TPD52: variants seen among roughly 807,000 people sequenced by gnomAD.
TPD52 encodes prostate and colon associated protein.
In TPD52, 17 loss-of-function variants were observed where a neutral mutation model predicts 31.3. The ratio of observed to expected loss-of-function variants is 0.54; its 90% CI spans 0.37 to 0.82. TPD52 has a LOEUF of 0.82. Among genes scored for constraint, TPD52 ranks in the 40% least tolerant of loss-of-function variants. The pLI, the probability that TPD52 is intolerant of heterozygous loss-of-function variation, is 0.00. For missense variants in TPD52, 212 were observed against 240.1 expected (o/e 0.88, Z 0.77); for synonymous variants, 83 against 89.6 (o/e 0.93, Z 0.42).
chr8:80,118,340 C>G (rs769319326), intron 1 of TPD52, among the ~76,000 whole-genome samples: 3 of 152,144 alleles, frequency 2.0e-5, no homozygotes, highest in Non-Finnish European at 2.9e-5. Flanking sequence ...CTATAAAACT[C>G]TTAGAGGAAA....
At chr8:80,090,066 G>T (rs778809925) in intron 1 of TPD52, among the ~76,000 whole-genome samples, 1 of 152,156 alleles carries the variant, frequency 6.6e-6, no homozygotes, top group Non-Finnish European at 1.5e-5. Flanking sequence ...TGGAGGAAAG[G>T]AAAGGGAAGA....
intron 1 of TPD52, among the ~76,000 whole-genome samples, chr8:80,121,145 CCTT>C (rs1808233515): frequency 2.0e-5 from 3 of 151,904 alleles, no homozygotes; most frequent in South Asian, 4.2e-4. Flanking sequence ...GTTGGTTTTC[CCTT>C]CTTCTACCCA....
intron 1 of TPD52, among the ~76,000 whole-genome samples, chr8:80,089,393 G>C (rs753165715): frequency 1.3e-5 from 2 of 152,180 alleles, no homozygotes; most frequent in Admixed American, 6.5e-5. Context: ...AGAGACTTTA[G>C]GTGATAAGAG....
At chr8:80,144,691 AC>A (rs1304962052) in intron 1 of TPD52, among the ~76,000 whole-genome samples, 1 of 152,214 alleles carries the variant, frequency 6.6e-6, no homozygotes, top group African/African-American at 2.4e-5. Context: ...TATCAGAGTC[AC>A]TGAAATACAC....
intron 1 of TPD52, among the ~76,000 whole-genome samples, chr8:80,153,458 GC>G (rs1178036440): frequency 6.6e-6 from 1 of 152,064 alleles, no homozygotes; most frequent in African/African-American, 2.4e-5. Context: ...TCTCATCATT[GC>G]CCTCTCCCCT....
chr8:80,040,450 A>G (rs951592545), intron 7 of TPD52, among the ~76,000 whole-genome samples: 1 of 152,170 alleles, frequency 6.6e-6, no homozygotes, highest in Non-Finnish European at 1.5e-5. Context: ...TTGGCCTCAC[A>G]AAGTGCTGGA....
chr8:80,171,556 C>G lies in TPD52; in HGVS notation c.-113G>C, dbSNP rs1470483678. ...CCTCCTCGCCTCCGCCGGCGACTCC[C>G]GCGAAGTCCCCACCCCCAGAGGCGT... On this transcript the variant is annotated 5_prime_UTR_variant, in exon 1 of 8. Transcript: ENST00000518937. The G allele has an allele frequency of 1.5e-6, 2 of 1,334,450 alleles. No individual in the cohort carries two copies. The highest frequency in any genetic ancestry group is 1.9e-6 in the Non-Finnish European group (2 of 1,036,190). The allele number at this position is 1,334,450 out of a possible 1,614,324, so 82.7% of individuals were successfully genotyped here.
At chr8:80,094,594 C>T (rs1816589633) in intron 1 of TPD52, among the ~76,000 whole-genome samples, 1 of 149,718 alleles carries the variant, frequency 6.7e-6, no homozygotes. Flanking sequence ...AGATGTATTT[C>T]TTCAAATTCC....
chr8:80,142,977 A>G (rs1586385411), intron 1 of TPD52, among the ~76,000 whole-genome samples: 1 of 152,026 alleles, frequency 6.6e-6, no homozygotes, highest in African/African-American at 2.4e-5. Flanking sequence ...ACAGAGCAAC[A>G]CCCTCCAAAT....
At chr8:80,031,374 T>C (rs1809689197), downstream of TPD52, among the ~76,000 whole-genome samples, 1 of 152,240 alleles carries the variant, frequency 6.6e-6, no homozygotes, top group Non-Finnish European at 1.5e-5. Flanking sequence ...TAGCTAACTG[T>C]ATGGTAGTCC....
chr8:80,050,453 A>T lies in TPD52; in HGVS notation c.405T>A (p.His135Gln). 6.2e-7 allele frequency: 1 copy of T among 1,607,318 alleles called. No individual in the cohort carries two copies. The highest frequency in any genetic ancestry group is 8.5e-7 in the Non-Finnish European group (1 of 1,176,982). Residue 135 changes from histidine to glutamine, a missense_variant, in exon 5 of 8, where the codon CAT becomes CAA. Physicochemically the swap from His to Gln is conservative, Grantham distance 24. Coordinates refer to ENST00000518937, the MANE Select transcript of TPD52 (RefSeq NM_001025253.3). ...GTTCAAACTCTCCTTACCTAAAGGA[A>T]TGTGAAAAGGCTTGCAATCTGTAAG... is the stretch of plus-strand genomic sequence containing the variant. ...LEDVKLQAFS[H>Q]SFSIRSIQHS... is the part of the protein sequence containing the mutation.
rs1311047268 is a variant in TPD52, at chr8:80,164,492, A to G, written c.19+6933T>C. On this transcript the variant is annotated intron_variant, in intron 1 of 7. Transcript: ENST00000518937. ...TCAAAACAAACTCCAGATTGAGGAA[A>G]GATTTAAACATAAAAAATAAAACCA... Among the ~76,000 whole-genome samples the G allele has an allele frequency of 2.0e-5, 3 of 152,216 alleles. No individual in the cohort carries two copies. In the East Asian group the frequency reaches 5.8e-4, roughly 29 times the overall value.
rs184964199 is a variant in TPD52 at position 80,061,267 on chromosome 8, G to A, written c.135+3211C>T. 5.9e-3 allele frequency among the ~76,000 whole-genome samples: 905 copies of A among 152,198 alleles called. 4 individuals carry two copies. The highest frequency in any genetic ancestry group is 0.02 in the African/African-American group (837 of 41,516). On this transcript the variant is annotated intron_variant, in intron 2 of 7. Coordinates refer to ENST00000518937, the MANE Select transcript of TPD52 (RefSeq NM_001025253.3). ...TAATCCCAGCTACTCGGGAGGCTGA[G>A]GCAGGACAATCGCTTGAACCTGGGA...
At chr8:80,079,190 T>C (rs1235085129) in intron 1 of TPD52, among the ~76,000 whole-genome samples, 4 of 152,202 alleles carry the variant, frequency 2.6e-5, no homozygotes, top group African/African-American at 9.7e-5. Context: ...CAGGCCCCTT[T>C]ATTACAGAGG....
intron 1 of TPD52, among the ~76,000 whole-genome samples, chr8:80,169,386 A>T (rs1203485924): frequency 3.3e-5 from 5 of 152,206 alleles, no homozygotes; most frequent in African/African-American, 1.2e-4. Context: ...CCTCACCCAA[A>T]GAACATATGG....
chr8:80,031,094 G>A (rs138143848), downstream of TPD52, among the ~76,000 whole-genome samples: 964 of 152,274 alleles, frequency 6.3e-3, 9 homozygotes, highest in African/African-American at 0.022. Flanking sequence ...ATTCTTAAGT[G>A]TTTATTAATT....
intron 2 of TPD52, among the ~76,000 whole-genome samples, chr8:80,055,591 A>T (rs1472249850): frequency 1.3e-5 from 2 of 152,232 alleles, no homozygotes. Flanking sequence ...TCATCAACAG[A>T]GTGAAGAGAT....
intron 1 of TPD52, chr8:80,064,861 A>G (rs146657676): frequency 8.9e-5 from 53 of 594,778 alleles, no homozygotes; most frequent in African/African-American, 8.6e-4. Flanking sequence ...GTCACAATAT[A>G]GTTATGGCAG....
At chr8:80,152,314 A>G (rs924655800) in intron 1 of TPD52, among the ~76,000 whole-genome samples, 1 of 152,234 alleles carries the variant, frequency 6.6e-6, no homozygotes, top group African/African-American at 2.4e-5. Flanking sequence ...AGTACCTGAC[A>G]GAATCACATG....
Sources: allele counts gnomAD v4.1 joint callset (sites outside exome capture counted in the v4.1 genomes callset), GRCh38; gene constraint gnomAD v4.1.1; transcripts MANE v1.5; gene names NCBI Gene and HGNC (gene_info 2026-07-23, HGNC 2026-07-21).